Variants in SHPRH observed in about 807,000 individuals in gnomAD.
SHPRH encodes SNF2 histone linker PHD RING helicase, also known as E3 ubiquitin-protein ligase SHPRH.
Under a neutral mutation model 202.5 loss-of-function variants are expected in SHPRH, and 106 were observed. That is an observed-to-expected ratio of 0.52 (90% CI 0.45 to 0.62). The LOEUF is 0.62. SHPRH is among the 20% of genes least tolerant of loss of function. The pLI, the probability that SHPRH is intolerant of heterozygous loss-of-function variation, is 0.00. For missense variants in SHPRH, 1,710 were observed against 2,020.0 expected, an observed-to-expected ratio of 0.85 and a Z score of 2.94; for synonymous variants, 729 against 686.0, an observed-to-expected ratio of 1.06 and a Z score of -0.98.
At chr6:145,962,222 G>A (rs1442175819) in intron 1 of SHPRH, among the ~76,000 whole-genome samples, 3 of 152,082 alleles carry the variant, frequency 2.0e-5, no homozygotes, top group Admixed American at 6.5e-5. Flanking sequence ...CTCTCTCCTC[G>A]ATCCCAACTG....
chr6:145,879,343 A>G (rs1239655284), intron 2 of SHPRH, among the ~76,000 whole-genome samples: 5 of 152,128 alleles, frequency 3.3e-5, no homozygotes, highest in African/African-American at 1.2e-4. Flanking sequence ...TCCTCCTTGT[A>G]TTTCTTAGTT....
At chr6:145,897,597 C>T (rs914852779) in intron 25 of SHPRH, among the ~76,000 whole-genome samples, 1 of 151,976 alleles carries the variant, frequency 6.6e-6, no homozygotes, top group African/African-American at 2.4e-5. Flanking sequence ...AATTACAGGC[C>T]AGTGTCTCTG....
At chr6:145,926,424 A>T in intron 15 of SHPRH, 128 bp from the exon 16 acceptor site, 1 of 822,932 alleles carries the variant, frequency 1.2e-6, no homozygotes, top group East Asian at 2.6e-5. Context: ...CTTTTCCTAT[A>T]AAAAAATCTG....
chr6:145,936,976 ATC>A (rs1562345039), intron 11 of SHPRH, among the ~76,000 whole-genome samples: 1 of 73,434 alleles, frequency 1.4e-5, no homozygotes, highest in Non-Finnish European at 2.5e-5. Context: ...CACATGCTTC[ATC>A]TTTTTTTTTT....
chr6:145,899,048 G>C (rs780423024), intron 25 of SHPRH, among the ~76,000 whole-genome samples: 1 of 151,890 alleles, frequency 6.6e-6, no homozygotes, highest in Non-Finnish European at 1.5e-5. Flanking sequence ...TCCTGGCCTC[G>C]AGTGATCCTC....
rs746026243 is a variant in SHPRH at position 145,943,419 on chromosome 6, G to A, written c.1962C>T (p.Thr654=). 2.2e-5 allele frequency: 35 copies of A among 1,613,870 alleles called. No individual in the cohort carries two copies. The highest frequency in any genetic ancestry group is 5.0e-5 in the Admixed American group (3 of 59,968). The change falls in exon 9 of 30, where the codon ACC becomes ACT. Residue 654 remains threonine, a synonymous_variant. Transcript: ENST00000275233. ...ATATACACTCAAAGCGGTAATCAGA[G>A]GTGTTAAAGGGACTCATGGTATTAG... ...PPSNTMSPFN[T]SDYRFECICG...
intron 2 of SHPRH, among the ~76,000 whole-genome samples, chr6:145,874,960 A>C (rs937644358): frequency 2.6e-5 from 4 of 152,190 alleles, no homozygotes; most frequent in Admixed American, 2.0e-4. Context: ...TACATGGTCT[A>C]TGTTATTGCA....
downstream of SHPRH, among the ~76,000 whole-genome samples, chr6:145,860,512 T>C (rs1192926333): frequency 2.0e-5 from 3 of 151,934 alleles, no homozygotes; most frequent in African/African-American, 7.2e-5. Context: ...TACAAATAAA[T>C]AGAAGGACAT....
intron 2 of SHPRH, among the ~76,000 whole-genome samples, chr6:145,868,220 C>T (rs1779891357): frequency 6.6e-6 from 1 of 152,266 alleles, no homozygotes; most frequent in Middle Eastern, 3.4e-3. Context: ...TTAGGGTCCA[C>T]CAATATGACC....
Position 145,947,657 on chromosome 6 carries a change from C to T in SHPRH, c.1062-14G>A, listed in dbSNP as rs201268172. 15 of 1,610,696 alleles carry T rather than the reference C, an allele frequency of 9.3e-6. No individual in the cohort carries two copies. The highest frequency in any genetic ancestry group is 1.3e-5 in the African/African-American group (1 of 74,798). On this transcript the variant is annotated splice_polypyrimidine_tract_variant and intron_variant, in intron 5 of 29. Transcript: ENST00000275233. Reference sequence around the variant, plus strand: ...TCACGAATGATGCTGAGGAAAAAAACAAGATAAATCACATCATAGGAATGT... The same window carrying T: ...TCACGAATGATGCTGAGGAAAAAAATAAGATAAATCACATCATAGGAATGT...
intron 2 of SHPRH, among the ~76,000 whole-genome samples, chr6:145,874,794 T>C (rs1283851871): frequency 2.0e-5 from 3 of 152,224 alleles, no homozygotes; most frequent in African/African-American, 7.2e-5. Flanking sequence ...TAGAGCAACA[T>C]ATGAAAATCT....
chr6:145,879,709 G>A (rs1478168974), intron 2 of SHPRH, among the ~76,000 whole-genome samples: 6 of 151,900 alleles, frequency 3.9e-5, no homozygotes, highest in Admixed American at 1.3e-4. Flanking sequence ...TCAGGAGTTC[G>A]AGACCAGCCT....
chr6:145,873,694 AGG>A (rs1272857093), intron 2 of SHPRH, among the ~76,000 whole-genome samples: 62 of 55,674 alleles, frequency 1.1e-3, no homozygotes, highest in Non-Finnish European at 1.4e-3. Flanking sequence ...CAGTTGCTAG[AGG>A]AAGGAAGGAA....
In SHPRH at chr6:145,926,252, C is replaced by T. The variant is rs1168277466; in HGVS notation, c.3246G>A (p.Arg1082=). Reference sequence around the variant, plus strand: ...GCAAGGTAGGTGGTATCCCTGGGTGCCTGGCTATCAACAATTCCATCAAGT... The same window carrying T: ...GCAAGGTAGGTGGTATCCCTGGGTGTCTGGCTATCAACAATTCCATCAAGT... ...THNLMELLIA[R]HPGIPPTLRD... The change falls in exon 16 of 30, where the codon AGG becomes AGA. Residue 1082 remains arginine, a synonymous_variant. Transcript: ENST00000275233. 4 of 1,612,804 alleles carry T rather than the reference C, an allele frequency of 2.5e-6. No homozygotes were observed.
intron 15 of SHPRH, among the ~76,000 whole-genome samples, chr6:145,926,581 C>T (rs188774001): frequency 6.6e-6 from 1 of 151,988 alleles, no homozygotes; most frequent in Admixed American, 6.6e-5. Flanking sequence ...TAAATATCCA[C>T]TCTGGTACTT....
intron 28 of SHPRH, among the ~76,000 whole-genome samples, chr6:145,892,672 A>G (rs1781668947): frequency 6.6e-6 from 1 of 152,184 alleles, no homozygotes; most frequent in African/African-American, 2.4e-5. Context: ...AAGGTAATAC[A>G]TGCCATATAA....
At chr6:145,951,177 T>C (rs561424150) in intron 3 of SHPRH, among the ~76,000 whole-genome samples, 1 of 152,214 alleles carries the variant, frequency 6.6e-6, no homozygotes, top group East Asian at 1.9e-4. Flanking sequence ...GATTTATACT[T>C]ACTATAACAT....
At chr6:145,919,834 T>C (rs1214466236) in intron 21 of SHPRH, among the ~76,000 whole-genome samples, 1 of 152,142 alleles carries the variant, frequency 6.6e-6, no homozygotes, top group Non-Finnish European at 1.5e-5. Flanking sequence ...TATGTATAAA[T>C]GGCAACAAGA....
chr6:145,873,767 G>A (rs1780171676), intron 2 of SHPRH, among the ~76,000 whole-genome samples: 1 of 151,894 alleles, frequency 6.6e-6, no homozygotes, highest in Non-Finnish European at 1.5e-5. Flanking sequence ...AGAACGAAAA[G>A]TTAGAAACTA....
Sources: gnomAD v4.1 joint callset for allele counts (sites outside exome capture counted in the v4.1 genomes callset) on GRCh38, gnomAD v4.1.1 for gene constraint, MANE v1.5 for transcripts, NCBI Gene and HGNC (gene_info 2026-07-23, HGNC 2026-07-21) for gene names.